PLEKHA8: variants seen among roughly 807,000 people sequenced by gnomAD.
PLEKHA8 encodes pleckstrin homology domain containing A8, also known as pleckstrin homology domain-containing family A member 8.
Under a neutral mutation model 68.2 loss-of-function variants are expected in PLEKHA8, and 36 were observed. The ratio of observed to expected loss-of-function variants is 0.53; its 90% CI spans 0.40 to 0.70. PLEKHA8 has a LOEUF of 0.70. Among genes scored for constraint, PLEKHA8 ranks in the 30% least tolerant of loss-of-function variants. PLEKHA8 has a pLI of 0.00. For missense variants in PLEKHA8, 505 were observed against 615.4 expected, an observed-to-expected ratio of 0.82 and a Z score of 1.90; for synonymous variants, 211 against 216.1, an observed-to-expected ratio of 0.98 and a Z score of 0.20.
rs1790367475 is a variant in PLEKHA8 at position 30,028,441 on chromosome 7, A to C, written c.-322A>C. Reference sequence around the variant, plus strand: ...CGCCGTGGCGCCGCCTGCGACCGGCAGCTCGTTCGCCGCACTTTGGAGGCT... The same window carrying C: ...CGCCGTGGCGCCGCCTGCGACCGGCCGCTCGTTCGCCGCACTTTGGAGGCT... On this transcript the variant is annotated 5_prime_UTR_variant, in exon 1 of 14. Transcript: ENST00000449726. 2 of 281,454 alleles carry C rather than the reference A, an allele frequency of 7.1e-6. No individual in the cohort carries two copies. The highest frequency in any genetic ancestry group is 2.2e-5 in the African/African-American group (1 of 45,416). 17.4% of individuals were successfully genotyped at this position (281,454 alleles called of 1,614,324 possible).
intron 13 of PLEKHA8, among the ~76,000 whole-genome samples, chr7:30,124,929 A>G (rs987137718): frequency 1.6e-4 from 25 of 152,150 alleles, no homozygotes; most frequent in African/African-American, 5.8e-4. Flanking sequence ...ATTAGATCTT[A>G]AATTTAGGAA....
chr7:30,035,069 A>G (rs1236531535), intron 1 of PLEKHA8, among the ~76,000 whole-genome samples: 1 of 152,056 alleles, frequency 6.6e-6, no homozygotes, highest in Non-Finnish European at 1.5e-5. Flanking sequence ...ATAGATATTC[A>G]ATACTCAACT....
At position 30,108,462 on chromosome 7, in the gene PLEKHA8, A is replaced by C. The variant is rs180682994; in HGVS notation, c.1363-20804A>C. Among the ~76,000 whole-genome samples, 28 of 152,108 alleles carry C rather than the reference A, an allele frequency of 1.8e-4. No individual in the cohort carries two copies. In the East Asian group the frequency reaches 3.5e-3, roughly 19 times the overall value. ...TTCGAAGTCTGGGTATGACTGGTAA[A>C]CCTTCTGGGTTTAATGGGTTTTATT... On this transcript the variant is annotated intron_variant, in intron 13 of 13. Transcript: ENST00000396257.
chr7:30,122,572 C>A (rs934534466), intron 13 of PLEKHA8, among the ~76,000 whole-genome samples: 1 of 152,316 alleles, frequency 6.6e-6, no homozygotes, highest in East Asian at 1.9e-4. Flanking sequence ...CTCAGTACCC[C>A]CTTCCATTGA....
chr7:30,049,254 T>G lies in PLEKHA8; in HGVS notation c.469T>G (p.Ser157Ala). 5 of 1,613,956 alleles carry G rather than the reference T, an allele frequency of 3.1e-6. No homozygotes were observed. The highest frequency in any genetic ancestry group is 4.2e-6 in the Non-Finnish European group (5 of 1,179,990). Reference protein sequence around the residue: ...EGIDVGTLLKSTCNTFLKTLE... With the variant: ...EGIDVGTLLKATCNTFLKTLE... Reference sequence around the variant, plus strand: ...AATTGATGTGGGAACTTTGCTGAAATCAACCTGTAATACTTTTCTGAAGAC... The same window carrying G: ...AATTGATGTGGGAACTTTGCTGAAAGCAACCTGTAATACTTTTCTGAAGAC... The change falls in exon 5 of 14, where the codon TCA becomes GCA. Residue 157 changes from serine to alanine, a missense_variant. Physicochemically the swap from Ser to Ala is moderately conservative, Grantham distance 99. Transcript: ENST00000449726.
chr7:30,070,181 CA>C (rs1794143346), intron 12 of PLEKHA8, among the ~76,000 whole-genome samples: 1 of 151,618 alleles, frequency 6.6e-6, no homozygotes, highest in South Asian at 2.1e-4. Context: ...TAAATTGCAG[CA>C]ATGATCTCAG....
chr7:30,035,085 C>T (rs1583766057), intron 1 of PLEKHA8, among the ~76,000 whole-genome samples: 3 of 151,674 alleles, frequency 2.0e-5, no homozygotes, highest in Admixed American at 6.6e-5. Context: ...CAACTCTTTA[C>T]GATGTAATCT....
intron 13 of PLEKHA8, among the ~76,000 whole-genome samples, chr7:30,126,280 T>C (rs17547116): frequency 0.15 from 22,472 of 152,190 alleles, 1,702 homozygotes; most frequent in Middle Eastern, 0.19. Context: ...TTTCAAACTG[T>C]TGACACTTTA....
rs946822058 is a variant in PLEKHA8, at chr7:30,129,219, C to G, written c.1363-47C>G. 3 of 1,612,384 alleles carry G rather than the reference C, an allele frequency of 1.9e-6. No homozygotes were observed. The African/African-American group carries it at 4.0e-5, about 22-fold the overall frequency. On this transcript the variant is annotated intron_variant, in intron 13 of 13. Coordinates refer to the PLEKHA8 transcript ENST00000396257. ...CTGGTTGGGACTAAAAGAGTAATGA[C>G]AGTTGGCCTGTGTTCCTCTGTCCTT...
chr7:30,044,987 G>T, intron 1 of PLEKHA8, 98 bp from the exon 2 acceptor site: 1 of 724,084 alleles, frequency 1.4e-6, no homozygotes, highest in African/African-American at 1.8e-5. Context: ...GCTCCTTGGA[G>T]CTAACCCAGT....
chr7:30,090,498 G>A (rs2128005496), exon 13 of PLEKHA8: 2 of 230,988 alleles, frequency 8.7e-6, no homozygotes, highest in South Asian at 1.1e-4. Context: ...TGGATGAGCT[G>A]GTAGAAAAAA....
chr7:30,077,708 CTCAAAGACTT>C (rs1400787474), intron 13 of PLEKHA8, among the ~76,000 whole-genome samples: 1 of 152,098 alleles, frequency 6.6e-6, no homozygotes, highest in Non-Finnish European at 1.5e-5. Context: ...AGGTCTGATT[CTCAAAGACTT>C]TCAAAGTATA....
At chr7:30,100,574 T>A (rs918113646) in intron 13 of PLEKHA8, among the ~76,000 whole-genome samples, 1 of 151,870 alleles carries the variant, frequency 6.6e-6, no homozygotes, top group Non-Finnish European at 1.5e-5. Context: ...AATTAATTAA[T>A]TAAATAAATC....
intron 13 of PLEKHA8, among the ~76,000 whole-genome samples, chr7:30,113,495 A>T (rs1437438171): frequency 6.6e-6 from 1 of 151,966 alleles, no homozygotes; most frequent in Non-Finnish European, 1.5e-5. Context: ...GGCATTTAGG[A>T]TCTTCACTTT....
chr7:30,034,102 G>A (rs1790877652), intron 1 of PLEKHA8, among the ~76,000 whole-genome samples: 1 of 135,554 alleles, frequency 7.4e-6, no homozygotes, highest in Admixed American at 8.2e-5. Context: ...TCCGCCTCCC[G>A]AGTTCAAGCA....
At chr7:30,085,299 C>T (rs1001891414), downstream of PLEKHA8, among the ~76,000 whole-genome samples, 1 of 152,146 alleles carries the variant, frequency 6.6e-6, no homozygotes, top group Admixed American at 6.5e-5. Flanking sequence ...TTTGAAGCAT[C>T]AGACAGCCTC....
At position 30,043,568 on chromosome 7, in the gene PLEKHA8, GAAGT is replaced by G. The variant is rs1277937394; in HGVS notation, c.41-1513_41-1510del. The stretch of plus-strand genomic sequence containing the variant: ...TAGTGTTTATTTAGTTTTATTTAAA[GAAGT>G]AAGAGACATGGTACCTGGCAGTCCT... On this transcript the variant is annotated intron_variant, in intron 1 of 13. Transcript: ENST00000449726. Among the ~76,000 whole-genome samples the G allele has an allele frequency of 3.9e-5, 6 of 152,318 alleles. No individual in the cohort carries two copies. The East Asian group carries it at 1.2e-3, about 29-fold the overall frequency.
chr7:30,123,724 CA>C (rs1279464107), intron 13 of PLEKHA8, among the ~76,000 whole-genome samples: 2 of 152,150 alleles, frequency 1.3e-5, no homozygotes, highest in African/African-American at 4.8e-5. Flanking sequence ...TGCTGAAGAA[CA>C]GAGCCAGCAC....
Position 30,104,647 on chromosome 7 carries a change from C to A in PLEKHA8, c.1363-24619C>A, listed in dbSNP as rs184371213. Among the ~76,000 whole-genome samples, 50 of 145,300 alleles carry A rather than the reference C, an allele frequency of 3.4e-4. 1 individual carries two copies. The highest frequency in any genetic ancestry group is 1.2e-3 in the Admixed American group (17 of 14,372). ...AACAGGCAAAAACTAATTTATGGGA[C>A]AAGAAATCATAACATTGGTTGCCTG... On this transcript the variant is annotated intron_variant, in intron 13 of 13. Coordinates refer to the PLEKHA8 transcript ENST00000396257.
Sources: gnomAD v4.1 joint callset for allele counts (sites outside exome capture counted in the v4.1 genomes callset) on GRCh38, gnomAD v4.1.1 for gene constraint, MANE v1.5 for transcripts, NCBI Gene and HGNC (gene_info 2026-07-23, HGNC 2026-07-21) for gene names.